ESYT3: variants seen among roughly 807,000 people sequenced by gnomAD.
The protein encoded by ESYT3 is extended synaptotagmin-3.
In ESYT3, 101 loss-of-function variants were observed where a neutral mutation model predicts 111.5. That is an observed-to-expected ratio of 0.91 (90% CI 0.77 to 1.07). ESYT3 has a LOEUF of 1.07. Among genes scored for constraint, ESYT3 ranks in the 50% least tolerant of loss-of-function variants. The probability of loss-of-function intolerance (pLI) is 0.00; values close to 1 mark genes in which losing one functional copy is unlikely to be tolerated. For synonymous variants in ESYT3, 416 were observed against 446.8 expected (o/e 0.93, Z 0.87); for missense variants, 1,097 against 1,109.4 (o/e 0.99, Z 0.16).
chr3:138,435,332 C>T lies in ESYT3; in HGVS notation c.327+207C>T, dbSNP rs7609893. Among the ~76,000 whole-genome samples the T allele has an allele frequency of 0.52, 78,497 of 152,042 alleles. 21,292 individuals carry two copies. Among genetic ancestry groups the T allele is most frequent in the South Asian group, 0.64 (3,074 of 4,824 alleles). On this transcript the variant is annotated intron_variant, in intron 1 of 22. Coordinates refer to ENST00000389567, the MANE Select transcript of ESYT3 (RefSeq NM_031913.5). The surrounding 1 kb of genome is among the most constrained non-coding windows in gnomAD (Gnocchi z 4.8). ...CGGCGCGCAGCACCCTCACGTCCAC[C>T]TCTGGTCCGACTGCGGTGGGAGTGG... is the stretch of plus-strand genomic sequence containing the variant.
intron 1 of ESYT3, among the ~76,000 whole-genome samples, chr3:138,439,274 A>G (rs2030961064): frequency 6.6e-6 from 1 of 152,172 alleles, no homozygotes; most frequent in African/African-American, 2.4e-5. Flanking sequence ...CAAGTGTCCC[A>G]GTGGTAAGCT....
intron 19 of ESYT3, among the ~76,000 whole-genome samples, chr3:138,474,000 T>C (rs2033366483): frequency 1.3e-5 from 2 of 152,228 alleles, no homozygotes; most frequent in Non-Finnish European, 2.9e-5. Context: ...AAAACATTCA[T>C]CTGATATTTT....
At chr3:138,442,534 T>C (rs1169859784) in intron 1 of ESYT3, among the ~76,000 whole-genome samples, 1 of 152,168 alleles carries the variant, frequency 6.6e-6, no homozygotes, top group Non-Finnish European at 1.5e-5. Flanking sequence ...GACTCATCCT[T>C]CAAATCCAAG....
Position 138,435,192 on chromosome 3 carries a change from C to A in ESYT3, c.327+67C>A. ...TTCGAGGTTCGGAGGAACTTGCGGTCAGCGGGGAGCTGGTGCGCGCAAACC... is the reference window on the plus strand; with the variant it reads ...TTCGAGGTTCGGAGGAACTTGCGGTAAGCGGGGAGCTGGTGCGCGCAAACC... On this transcript the variant is annotated intron_variant, in intron 1 of 22. Coordinates refer to ENST00000389567, the MANE Select transcript of ESYT3 (RefSeq NM_031913.5). The surrounding 1 kb of genome is among the most constrained non-coding windows in gnomAD (Gnocchi z 4.8). 3 of 1,425,398 alleles carry A rather than the reference C, an allele frequency of 2.1e-6. No homozygotes were observed. The highest frequency in any genetic ancestry group is 2.8e-5 in the South Asian group (2 of 72,084). 88.3% of individuals were successfully genotyped at this position (1,425,398 alleles called of 1,614,324 possible).
At chr3:138,449,083 T>C (rs2108600687) in intron 1 of ESYT3, among the ~76,000 whole-genome samples, 1 of 99,298 alleles carries the variant, frequency 1.0e-5, no homozygotes, top group South Asian at 3.3e-4. Flanking sequence ...TTTCTTTTTC[T>C]TTTTTTTTTT....
At chr3:138,467,960 T>G (rs2033014930) in intron 11 of ESYT3, 145 bp from the exon 12 acceptor site, 1 of 668,956 alleles carries the variant, frequency 1.5e-6, no homozygotes, top group Admixed American at 2.4e-5. Flanking sequence ...GAGCATACCC[T>G]GTCTGGGCTG....
At chr3:138,454,512 G>A (rs1576439029) in intron 2 of ESYT3, among the ~76,000 whole-genome samples, 1 of 149,432 alleles carries the variant, frequency 6.7e-6, no homozygotes, top group Non-Finnish European at 1.5e-5. Context: ...AGCCGAGGTC[G>A]TGCCATTGCA....
chr3:138,449,080 T>C (rs988622237), intron 1 of ESYT3, among the ~76,000 whole-genome samples: 2 of 144,226 alleles, frequency 1.4e-5, no homozygotes, highest in Admixed American at 1.3e-4. Flanking sequence ...CACTTTCTTT[T>C]TCTTTTTTTT....
At position 138,470,583 on chromosome 3, in the gene ESYT3, G is replaced by T. The variant is rs569467659; in HGVS notation, c.1591-294G>T. The T allele has an allele frequency of 2.5e-4, 293 of 1,187,658 alleles. 2 individuals are homozygous for T. The South Asian group carries it at 3.0e-3, about 12-fold the overall frequency. The allele number at this position is 1,187,658 out of a possible 1,614,324, so 73.6% of individuals were successfully genotyped here. On this transcript the variant is annotated intron_variant, in intron 16 of 22. Transcript: ENST00000389567. ...GAGCTGGGATCTTTTAGGGCCCTGA[G>T]CCCTGCCTGGAGAGCAGCACAGCTC...
In ESYT3 at chr3:138,460,617, C is replaced by A. The variant is rs1057422762; in HGVS notation, c.745C>A (p.Gln249Lys). The A allele has an allele frequency of 6.2e-7, 1 of 1,614,088 alleles. No homozygotes were observed. Among genetic ancestry groups the A allele is most frequent in the Non-Finnish European group, 8.5e-7 (1 of 1,179,962 alleles). Residue 249 changes from glutamine (Q) to lysine (K), a missense_variant, in exon 7 of 23, where the codon CAG becomes AAG. Transcript: ENST00000389567. The part of the protein sequence containing the change: ...TVFFLQKPHL[Q>K]INWTGLTNLL... ...CTTCCCTCTGCCCCTGAAGCACCTA[C>A]AGATCAACTGGACTGGCCTGACCAA...
In ESYT3 at chr3:138,464,516, G is replaced by A. The variant is rs199918353; in HGVS notation, c.1086+1G>A. ...CCCCACCTGGAACGAAGTGTTTGAG[G>A]TAAGGGTCTCCTTGGCTGCTTCTAG... On this transcript the variant is annotated splice_donor_variant, in intron 9 of 22. Transcript: ENST00000389567. LOFTEE classifies it high-confidence loss of function. 124 of 1,613,848 alleles carry A rather than the reference G, an allele frequency of 7.7e-5. No individual in the cohort carries two copies. Among genetic ancestry groups the A allele is most frequent in the Non-Finnish European group, 9.7e-5 (115 of 1,179,946 alleles).
chr3:138,456,278 C>T (rs1017489212), intron 3 of ESYT3, among the ~76,000 whole-genome samples: 2 of 152,228 alleles, frequency 1.3e-5, no homozygotes, highest in Non-Finnish European at 2.9e-5. Flanking sequence ...TGCACCCCTT[C>T]CTGTGGGAGG....
At chr3:138,441,187 G>A (rs2031124200) in intron 1 of ESYT3, among the ~76,000 whole-genome samples, 1 of 152,184 alleles carries the variant, frequency 6.6e-6, no homozygotes, top group Admixed American at 6.5e-5. Flanking sequence ...TGCATCTTGG[G>A]GTGAGCAGAT....
chr3:138,473,633 A>C lies in ESYT3; in HGVS notation c.2335A>C (p.Arg779=). 1 of 1,612,956 alleles carries C rather than the reference A, an allele frequency of 6.2e-7. No individual in the cohort carries two copies. The highest frequency in any genetic ancestry group is 8.5e-7 in the Non-Finnish European group (1 of 1,179,224). The stretch of plus-strand genomic sequence containing the variant: ...CCTCAGCGTGCTAATCAATGGCTGC[A>C]GGTAAAGGGATTCTAGGGCCAGGGA... ...RCLSVLINGC[R]NLTPCTSSGA... The change falls in exon 19 of 23, where the codon AGA becomes CGA. Residue 779 remains arginine, a splice_region_variant and synonymous_variant. Transcript: ENST00000389567.
Position 138,472,682 on chromosome 3 carries a change from C to T in ESYT3, c.2060C>T (p.Thr687Ile). Residue 687 changes from threonine (T) to isoleucine (I), a missense_variant, in exon 18 of 23, where the codon ACC becomes ATC. Coordinates refer to ENST00000389567, the MANE Select transcript of ESYT3 (RefSeq NM_031913.5). Reference protein sequence around the residue: ...EPIGEKKSPATIFLTVPGPHS... With the variant: ...EPIGEKKSPAIIFLTVPGPHS... Reference sequence around the variant, plus strand: ...ATCGGGGAGAAGAAGAGTCCAGCCACCATCTTCCTGACTGTCCCAGGTCCC... The same window carrying T: ...ATCGGGGAGAAGAAGAGTCCAGCCATCATCTTCCTGACTGTCCCAGGTCCC... The T allele has an allele frequency of 1.9e-6, 3 of 1,614,234 alleles. No homozygotes were observed. The highest frequency in any genetic ancestry group is 2.5e-6 in the Non-Finnish European group (3 of 1,180,044).
intron 1 of ESYT3, among the ~76,000 whole-genome samples, chr3:138,451,662 C>T (rs2031936072): frequency 6.6e-6 from 1 of 152,222 alleles, no homozygotes; most frequent in Non-Finnish European, 1.5e-5. Context: ...TGTCCTCTCC[C>T]ACCTCGGCCT....
Position 138,476,455 on chromosome 3 carries a change from T to A in ESYT3, c.2587T>A (p.Leu863Ile). The A allele has an allele frequency of 6.2e-7, 1 of 1,614,026 alleles. No homozygotes were observed. The highest frequency in any genetic ancestry group is 8.5e-7 in the Non-Finnish European group (1 of 1,179,966). The part of the protein sequence containing the change: ...RKELGKVLID[L>I]SKEDLIKGFS... ...TGTGATTATTTAGGTACTGATTGAC[T>A]TATCAAAAGAAGATCTGATTAAGGG... The change falls in exon 22 of 23, where the codon TTA (leucine) becomes ATA (isoleucine). Residue 863 changes from leucine to isoleucine, a missense_variant. Coordinates refer to ENST00000389567, the MANE Select transcript of ESYT3 (RefSeq NM_031913.5).
intron 18 of ESYT3, 120 bp from the exon 19 acceptor site, chr3:138,473,416 G>T: frequency 1.2e-6 from 1 of 836,078 alleles, no homozygotes; most frequent in South Asian, 2.0e-5. Context: ...AACTCACTGT[G>T]AATTATTATC....
chr3:138,459,925 G>A lies in ESYT3; in HGVS notation c.649-20G>A. The A allele has an allele frequency of 6.2e-7, 1 of 1,610,610 alleles. No homozygotes were observed. Among genetic ancestry groups the A allele is most frequent in the Non-Finnish European group, 8.5e-7 (1 of 1,177,398 alleles). Reference sequence around the variant, plus strand: ...AGAAAGTAGGCCTGGGCCCCTCACGGGCCCTCTGTGCCTATCCAGTTGCAG... The same window carrying A: ...AGAAAGTAGGCCTGGGCCCCTCACGAGCCCTCTGTGCCTATCCAGTTGCAG... On this transcript the variant is annotated intron_variant, in intron 5 of 22. Coordinates refer to ENST00000389567, the MANE Select transcript of ESYT3 (RefSeq NM_031913.5).
Sources: gnomAD v4.1 joint callset for allele counts (sites outside exome capture counted in the v4.1 genomes callset) on GRCh38, gnomAD v4.1.1 for gene constraint, Gnocchi (gnomAD v3.1) non-coding constraint, MANE v1.5 for transcripts, NCBI Gene and HGNC (gene_info 2026-07-23, HGNC 2026-07-21) for gene names.